Variants in COL25A1 observed in about 807,000 individuals in gnomAD.
COL25A1 encodes collagen alpha-1(XXV) chain.
In COL25A1, 103 loss-of-function variants were observed where a neutral mutation model predicts 128.4. That is an observed-to-expected ratio of 0.80 (90% CI 0.68 to 0.94). The LOEUF (loss-of-function observed/expected upper bound fraction) is 0.94, where lower values mean the gene tolerates loss of function less well. Ranked by LOEUF, COL25A1 falls within the 40% of genes least tolerant of loss-of-function variation. COL25A1 has a pLI of 0.00. For synonymous variants in COL25A1, 279 were observed against 277.2 expected (o/e 1.01, Z -0.06); for missense variants, 745 against 840.0 (o/e 0.89, Z 1.40).
chr4:108,856,414 A>C (rs559581823), intron 24 of COL25A1, among the ~76,000 whole-genome samples: 15 of 152,322 alleles, frequency 9.8e-5, no homozygotes, highest in Non-Finnish European at 1.9e-4. Flanking sequence ...TGATTATCCT[A>C]GAGTATTTTT....
Position 108,995,883 on chromosome 4 carries a change from A to G in COL25A1, c.438+14475T>C, listed in dbSNP as rs1754721894. 2.6e-5 allele frequency among the ~76,000 whole-genome samples: 4 copies of G among 152,196 alleles called. No homozygotes were observed. In the South Asian group the frequency reaches 6.2e-4, roughly 24 times the overall value. On this transcript the variant is annotated intron_variant, in intron 6 of 37. Transcript: ENST00000399132. The stretch of plus-strand genomic sequence containing the variant: ...CAGCCAAAATAAGCTTCATAAGTGA[A>G]GGAGAAATAAAATCCCTTACAAACA...
chr4:108,911,664 A>G lies in COL25A1; in HGVS notation c.780+6508T>C, dbSNP rs62314624. Reference sequence around the variant, plus strand: ...AAATTTCTTTAAAAAGCTTTTCCCAATTATGGATACAATTTAATCAGATGT... The same window carrying G: ...AAATTTCTTTAAAAAGCTTTTCCCAGTTATGGATACAATTTAATCAGATGT... On this transcript the variant is annotated intron_variant, in intron 13 of 37. Transcript: ENST00000399132. Among the ~76,000 whole-genome samples the G allele has an allele frequency of 7.3e-3, 1,117 of 152,320 alleles. 8 individuals carry two copies. The highest frequency in any genetic ancestry group is 0.025 in the African/African-American group (1,042 of 41,576).
intron 6 of COL25A1, among the ~76,000 whole-genome samples, chr4:109,001,424 G>GCTGAGATCCTGTCAGGTAGGCA (rs1561003582): frequency 2.7e-4 from 5 of 18,410 alleles, no homozygotes; most frequent in African/African-American, 3.3e-4. Context: ...CAGGTAGGCA[G>GCTGAGATCCTGTCAGGTAGGCA]TGAGCTAGAG....
intron 32 of COL25A1, among the ~76,000 whole-genome samples, chr4:108,829,428 T>TATC (rs1430571256): frequency 1.4e-5 from 2 of 138,974 alleles, no homozygotes; most frequent in East Asian, 2.2e-4. Context: ...TCTATCTATC[T>TATC]ATCTATCATC....
intron 25 of COL25A1, 75 bp downstream of exon 25, chr4:108,852,827 A>T: frequency 9.0e-7 from 1 of 1,105,474 alleles, no homozygotes; most frequent in Non-Finnish European, 1.3e-6. Flanking sequence ...TAGCTACATT[A>T]GTACCATTTT....
intron 3 of COL25A1, among the ~76,000 whole-genome samples, chr4:109,290,980 A>C (rs544382622): frequency 6.6e-6 from 1 of 152,148 alleles, no homozygotes; most frequent in Admixed American, 6.5e-5. Flanking sequence ...CCAGTTAAAA[A>C]AGAAGTCATT....
At chr4:108,930,318 C>A (rs977766159) in intron 11 of COL25A1, among the ~76,000 whole-genome samples, 1 of 152,132 alleles carries the variant, frequency 6.6e-6, no homozygotes, top group Admixed American at 6.6e-5. Context: ...AGAGAACATG[C>A]TCATCTCTAT....
intron 3 of COL25A1, among the ~76,000 whole-genome samples, chr4:109,168,461 C>G (rs1773280256): frequency 6.6e-6 from 1 of 152,122 alleles, no homozygotes; most frequent in Non-Finnish European, 1.5e-5. Context: ...CTTTGACTTA[C>G]AAATAGGAAA....
At chr4:108,918,115 T>A in intron 13 of COL25A1, 57 bp downstream of exon 13, 1 of 1,098,366 alleles carries the variant, frequency 9.1e-7, no homozygotes, top group Non-Finnish European at 1.3e-6. Flanking sequence ...TAGAATAATT[T>A]TGTGATTTCA....
At chr4:109,023,895 A>G (rs967842901) in intron 5 of COL25A1, among the ~76,000 whole-genome samples, 4 of 152,206 alleles carry the variant, frequency 2.6e-5, no homozygotes, top group Non-Finnish European at 5.9e-5. Context: ...AGCCTCTCAG[A>G]AGAGAGAGAT....
At chr4:108,846,686 G>A (rs779086016) in intron 27 of COL25A1, among the ~76,000 whole-genome samples, 15 of 152,076 alleles carry the variant, frequency 9.9e-5, no homozygotes, top group Non-Finnish European at 2.1e-4. Context: ...GTCACAATGA[G>A]TTTTCAATGG....
chr4:109,085,757 T>C (rs1764299373), intron 3 of COL25A1, among the ~76,000 whole-genome samples: 1 of 152,238 alleles, frequency 6.6e-6, no homozygotes, highest in Non-Finnish European at 1.5e-5. Flanking sequence ...TAAATCTTTG[T>C]GCATACTCCA....
chr4:108,957,348 C>A (rs554734622), intron 8 of COL25A1, among the ~76,000 whole-genome samples: 4 of 152,054 alleles, frequency 2.6e-5, no homozygotes, highest in Non-Finnish European at 5.9e-5. Context: ...AGAGCAGAAC[C>A]ACCACCACCA....
intron 3 of COL25A1, among the ~76,000 whole-genome samples, chr4:109,295,300 T>C (rs1578662563): frequency 6.6e-6 from 1 of 151,932 alleles, no homozygotes; most frequent in African/African-American, 2.4e-5. Context: ...CTGTCACTCC[T>C]GGACCAACTA....
chr4:109,105,714 T>C (rs1766365575), intron 3 of COL25A1, among the ~76,000 whole-genome samples: 2 of 152,134 alleles, frequency 1.3e-5, no homozygotes, highest in African/African-American at 4.8e-5. Flanking sequence ...GAGTGTAAAA[T>C]GACCCTAGGA....
chr4:109,302,568 C>A lies in COL25A1; in HGVS notation c.-456G>T. On this transcript the variant is annotated 5_prime_UTR_variant, in exon 1 of 38. Coordinates refer to ENST00000399132, the MANE Select transcript of COL25A1 (RefSeq NM_198721.4). ...ACGCTACAGCGCAGCGCGAAAGGGG[C>A]GACTAAGGTGGAGAAGAGAGAGGAA... 6.5e-6 allele frequency: 1 copy of A among 153,750 alleles called. No homozygotes were observed. The highest frequency in any genetic ancestry group is 1.4e-5 in the Non-Finnish European group (1 of 69,102). The allele number at this position is 153,750 out of a possible 1,614,324, so 9.5% of individuals were successfully genotyped here.
rs1326757102 is a variant in COL25A1, at chr4:109,198,079, A to G, written c.367+102504T>C. 2.0e-5 allele frequency among the ~76,000 whole-genome samples: 3 copies of G among 151,826 alleles called. No homozygotes were observed. In the East Asian group the frequency reaches 5.8e-4, roughly 29 times the overall value. ...AATTTTTTCTTGTACTTTTATATCA[A>G]TTGTTTGCTTTTACTTTGAACTTTT... On this transcript the variant is annotated intron_variant, in intron 3 of 37. Transcript: ENST00000399132.
intron 3 of COL25A1, among the ~76,000 whole-genome samples, chr4:109,215,102 T>C (rs1777883079): frequency 6.6e-6 from 1 of 152,260 alleles, no homozygotes; most frequent in South Asian, 2.1e-4. Context: ...TTTTAAATCC[T>C]TTGGCAGAGA....
chr4:109,231,128 G>A (rs889758260), intron 3 of COL25A1, among the ~76,000 whole-genome samples: 35 of 151,838 alleles, frequency 2.3e-4, no homozygotes, highest in African/African-American at 7.7e-4. Flanking sequence ...GAACAGAAGC[G>A]AGACTCCATC....
Sources: allele counts gnomAD v4.1 joint callset (sites outside exome capture counted in the v4.1 genomes callset), GRCh38; gene constraint gnomAD v4.1.1; transcripts MANE v1.5; gene names NCBI Gene and HGNC (gene_info 2026-07-23, HGNC 2026-07-21).